Variants in AKAP13 observed in about 807,000 individuals in gnomAD.
The protein encoded by AKAP13 is A-kinase anchor protein 13.
AKAP13 carries 80 observed loss-of-function variants against 264.5 expected under a neutral mutation model. The observed-to-expected ratio is 0.30, with a 90% confidence interval of 0.25 to 0.36. The LOEUF (loss-of-function observed/expected upper bound fraction) is 0.36. Among genes scored for constraint, AKAP13 ranks in the 10% least tolerant of loss-of-function variants. The probability of loss-of-function intolerance (pLI) is 1.00; values close to 1 mark genes in which losing one functional copy is unlikely to be tolerated. For missense variants in AKAP13, 3,712 were observed against 3,435.2 expected, an observed-to-expected ratio of 1.08 and a Z score of -2.01; for synonymous variants, 1,380 against 1,250.2, an observed-to-expected ratio of 1.10 and a Z score of -2.19.
intron 29 of AKAP13, 106 bp from the exon 30 acceptor site, chr15:85,730,407 G>C (rs146984499): frequency 2.5e-6 from 3 of 1,211,062 alleles, no homozygotes; most frequent in Non-Finnish European, 3.5e-6. Context: ...AGGGTGTCCT[G>C]TCTTGTCACT....
chr15:85,510,081 C>T (rs2076369325), intron 2 of AKAP13, among the ~76,000 whole-genome samples: 1 of 152,242 alleles, frequency 6.6e-6, no homozygotes, highest in Admixed American at 6.5e-5. Flanking sequence ...CCTGCAGTCC[C>T]TGGTCCTTGC....
intron 1 of AKAP13, among the ~76,000 whole-genome samples, chr15:85,436,705 T>C (rs902504723): frequency 9.4e-5 from 14 of 149,722 alleles, no homozygotes; most frequent in Non-Finnish European, 1.6e-4. Flanking sequence ...AACAACCTGC[T>C]CCTGAATGAC....
In AKAP13 at chr15:85,741,393, G is replaced by A; in HGVS notation, c.7956G>A (p.Glu2652=). The A allele has an allele frequency of 1.9e-6, 3 of 1,613,988 alleles. No homozygotes were observed. The highest frequency in any genetic ancestry group is 1.1e-5 in the South Asian group (1 of 91,078). The stretch of plus-strand genomic sequence containing the variant: ...AGGGCACATACCAGTATGACCTGGA[G>A]CGACTGCGTGCTGCCCAGAAACAGC... ...QKKGTYQYDL[E]RLRAAQKQLE... Residue 2652 remains glutamate (E), a synonymous_variant, in exon 35 of 37, where the codon GAG becomes GAA. Transcript: ENST00000394518.
At chr15:85,682,054 A>T in intron 14 of AKAP13, 104 bp from the exon 15 acceptor site, 2 of 1,064,818 alleles carry the variant, frequency 1.9e-6, no homozygotes, top group Non-Finnish European at 2.9e-6. Flanking sequence ...TGACTTTCAC[A>T]CGCTGTTTTT....
Position 85,533,632 on chromosome 15 carries a change from A to C in AKAP13, c.230A>C (p.Glu77Ala), listed in dbSNP as rs760938012. Residue 77 changes from glutamate to alanine, a missense_variant, in exon 4 of 37, where the codon GAG becomes GCG. Physicochemically the swap from Glu to Ala is moderately radical, Grantham distance 107. Transcript: ENST00000394518. The stretch of plus-strand genomic sequence containing the variant: ...AAGGTGCAGCTCTGTGCTTCCAAAG[A>C]GGGCCTTCCCGTGTTTGTGGTGGCT... ...TVKVQLCASK[E>A]GLPVFVVAEE... 1 of 1,614,020 alleles carries C rather than the reference A, an allele frequency of 6.2e-7. No homozygotes were observed. The highest frequency in any genetic ancestry group is 1.1e-5 in the South Asian group (1 of 91,070).
intron 3 of AKAP13, among the ~76,000 whole-genome samples, chr15:85,530,403 C>G (rs1314865986): frequency 1.3e-5 from 2 of 152,076 alleles, no homozygotes; most frequent in African/African-American, 4.8e-5. Context: ...TTCAAGGGTT[C>G]AGGTTTCTCA....
intron 12 of AKAP13, among the ~76,000 whole-genome samples, chr15:85,663,366 G>A (rs2083447283): frequency 6.6e-6 from 1 of 151,630 alleles, no homozygotes; most frequent in Non-Finnish European, 1.5e-5. Flanking sequence ...TCATTTACTT[G>A]TAGTTAGTCA....
At chr15:85,604,233 A>T (rs994225776) in intron 8 of AKAP13, among the ~76,000 whole-genome samples, 25 of 152,220 alleles carry the variant, frequency 1.6e-4, no homozygotes, top group Non-Finnish European at 4.4e-5. Context: ...TACATAATAA[A>T]TACATTTGAA....
chr15:85,536,667 T>A (rs1381463893), intron 4 of AKAP13: 1 of 152,242 alleles, frequency 6.6e-6, no homozygotes. Flanking sequence ...TGTTGACATG[T>A]GCAACAACTT....
At chr15:85,487,895 C>G (rs1387671683) in intron 2 of AKAP13, among the ~76,000 whole-genome samples, 1 of 150,238 alleles carries the variant, frequency 6.7e-6, no homozygotes, top group African/African-American at 2.5e-5. Flanking sequence ...TCATGCCTGG[C>G]TATTTATTTA....
At chr15:85,610,923 G>T (rs1291081591) in intron 8 of AKAP13, among the ~76,000 whole-genome samples, 1 of 152,248 alleles carries the variant, frequency 6.6e-6, no homozygotes, top group Non-Finnish European at 1.5e-5. Flanking sequence ...AGGTTGCAGT[G>T]AGTCGACATC....
At chr15:85,532,398 T>C (rs1004280537) in intron 3 of AKAP13, among the ~76,000 whole-genome samples, 1 of 152,268 alleles carries the variant, frequency 6.6e-6, no homozygotes, top group African/African-American at 2.4e-5. Flanking sequence ...GCAGGGACCA[T>C]GTAGAGGGTT....
At chr15:85,529,085 G>C (rs2077170383) in intron 3 of AKAP13, among the ~76,000 whole-genome samples, 1 of 152,144 alleles carries the variant, frequency 6.6e-6, no homozygotes, top group Admixed American at 6.5e-5. Flanking sequence ...ATTGGATACA[G>C]TTTCTCATCC....
intron 1 of AKAP13, among the ~76,000 whole-genome samples, chr15:85,448,642 T>C (rs1464675579): frequency 6.6e-6 from 1 of 152,184 alleles, no homozygotes. Context: ...CTATTGCTTG[T>C]TTTTGTCACC....
In AKAP13 at chr15:85,741,118, A is replaced by C. The variant is rs1424131665; in HGVS notation, c.7681A>C (p.Ser2561Arg). ...GCTGAGCGAGAGGGCGCTCACTCGCAGCTTGTCCCGCCCGAGCTCCCTCAT... is the reference window on the plus strand; with the variant it reads ...GCTGAGCGAGAGGGCGCTCACTCGCCGCTTGTCCCGCCCGAGCTCCCTCAT... ...LVLSERALTRSLSRPSSLIEQ... is the reference protein window; with the variant it reads ...LVLSERALTRRLSRPSSLIEQ... The change falls in exon 35 of 37, where the codon AGC becomes CGC. Residue 2561 changes from serine (S) to arginine (R), a missense_variant. Coordinates refer to ENST00000394518, the MANE Select transcript of AKAP13 (RefSeq NM_007200.5). 1.2e-6 allele frequency: 2 copies of C among 1,613,700 alleles called. No individual in the cohort carries two copies. Among genetic ancestry groups the C allele is most frequent in the South Asian group, 2.2e-5 (2 of 91,062 alleles).
intron 17 of AKAP13, among the ~76,000 whole-genome samples, chr15:85,706,696 A>G (rs1360801687): frequency 2.0e-5 from 3 of 152,232 alleles, no homozygotes; most frequent in Non-Finnish European, 4.4e-5. Context: ...GCATTTGAAT[A>G]GGATGCATGA....
intron 17 of AKAP13, among the ~76,000 whole-genome samples, chr15:85,695,192 G>A (rs1015912583): frequency 1.3e-5 from 2 of 152,188 alleles, no homozygotes; most frequent in African/African-American, 4.8e-5. Flanking sequence ...ATCACCTGAA[G>A]TCAGAAATTC....
At chr15:85,707,439 G>A (rs1567206074) in intron 17 of AKAP13, among the ~76,000 whole-genome samples, 1 of 152,196 alleles carries the variant, frequency 6.6e-6, no homozygotes, top group Non-Finnish European at 1.5e-5. Flanking sequence ...CCTTTCATGT[G>A]TGGTTCCTGT....
At chr15:85,481,527 C>T (rs2075351950) in intron 1 of AKAP13, among the ~76,000 whole-genome samples, 1 of 152,104 alleles carries the variant, frequency 6.6e-6, no homozygotes, top group South Asian at 2.1e-4. Context: ...CAGCAGAAAA[C>T]TATTAAATTT....
Sources: gnomAD v4.1 joint callset for allele counts (sites outside exome capture counted in the v4.1 genomes callset) on GRCh38, gnomAD v4.1.1 for gene constraint, MANE v1.5 for transcripts, NCBI Gene and HGNC (gene_info 2026-07-23, HGNC 2026-07-21) for gene names.